SPTBN4: variants seen among roughly 807,000 people sequenced by gnomAD.
SPTBN4 encodes the protein spectrin beta chain, non-erythrocytic 4.
SPTBN4 carries 96 observed loss-of-function variants against 277.8 expected under a neutral mutation model. The ratio of observed to expected loss-of-function variants is 0.35; its 90% CI spans 0.29 to 0.41. SPTBN4 has a LOEUF of 0.41. Ranked by LOEUF, SPTBN4 falls within the 10% of genes least tolerant of loss-of-function variation. The probability of loss-of-function intolerance (pLI) is 1.00; values close to 1 mark genes in which losing one functional copy is unlikely to be tolerated. For synonymous variants in SPTBN4, 1,481 were observed against 1,580.3 expected, an observed-to-expected ratio of 0.94 and a Z score of 1.49; for missense variants, 3,006 against 3,595.7, an observed-to-expected ratio of 0.84 and a Z score of 4.19.
chr19:40,530,640 G>C, intron 18 of SPTBN4: 1 of 932,502 alleles, frequency 1.1e-6, no homozygotes, highest in Non-Finnish European at 1.3e-6. Flanking sequence ...CGCGGACGCA[G>C]ACAGGGGAGG....
chr19:40,492,583 C>G lies in SPTBN4; in HGVS notation c.496-380C>G, dbSNP rs79332947. ...GGGTGTTGAAAAGAGGAGCAAGGATCTGATTTGAGTGTTCGCAGGGTCCCT... is the reference window on the plus strand; with the variant it reads ...GGGTGTTGAAAAGAGGAGCAAGGATGTGATTTGAGTGTTCGCAGGGTCCCT... On this transcript the variant is annotated intron_variant, in intron 4 of 35. Coordinates refer to ENST00000598249, the MANE Select transcript of SPTBN4 (RefSeq NM_020971.3). Among the ~76,000 whole-genome samples, 1,002 of 152,200 alleles carry G rather than the reference C, an allele frequency of 6.6e-3. 19 individuals carry two copies. The highest frequency in any genetic ancestry group is 0.022 in the African/African-American group (912 of 41,516).
intron 7 of SPTBN4, among the ~76,000 whole-genome samples, chr19:40,498,227 C>T (rs1380710229): frequency 6.6e-6 from 1 of 152,162 alleles, no homozygotes; most frequent in Admixed American, 6.6e-5. Flanking sequence ...GCCCTGACAC[C>T]CATCTCCCAT....
intron 18 of SPTBN4, chr19:40,530,810 C>G (rs2080659881): frequency 1.3e-5 from 2 of 153,656 alleles, no homozygotes; most frequent in East Asian, 3.9e-4. Flanking sequence ...GGGCCGGCCC[C>G]CAAGGGAGGG....
chr19:40,513,420 G>C lies in SPTBN4; in HGVS notation c.2631G>C (p.Leu877=). 6.2e-7 allele frequency: 1 copy of C among 1,604,002 alleles called. No individual in the cohort carries two copies. Among genetic ancestry groups the C allele is most frequent in the Non-Finnish European group, 8.5e-7 (1 of 1,177,608 alleles). ...TGGCGGCGCTGAGGCGCCAGTGGCTGCGGGACGCGCTCGCTGTCTACCGCA... is the reference window on the plus strand; with the variant it reads ...TGGCGGCGCTGAGGCGCCAGTGGCTCCGGGACGCGCTCGCTGTCTACCGCA... ...TEVAALRRQW[L]RDALAVYRMF... is the part of the protein sequence containing the mutation. The change falls in exon 14 of 36, where the codon CTG becomes CTC. Residue 877 remains leucine, a synonymous_variant. Transcript: ENST00000598249.
chr19:40,544,403 A>C (rs1166504522), intron 20 of SPTBN4, among the ~76,000 whole-genome samples: 1 of 145,326 alleles, frequency 6.9e-6, no homozygotes, highest in Non-Finnish European at 1.5e-5. Flanking sequence ...CAGCCTTCCA[A>C]AGTGCTGGGA....
chr19:40,518,449 A>G (rs2080484903), intron 15 of SPTBN4, among the ~76,000 whole-genome samples: 1 of 152,052 alleles, frequency 6.6e-6, no homozygotes, highest in Admixed American at 6.6e-5. Flanking sequence ...ATTTATTTTG[A>G]GACAGGGTCT....
At chr19:40,550,464 T>C in intron 22 of SPTBN4, 137 bp downstream of exon 22, 1 of 703,196 alleles carries the variant, frequency 1.4e-6, no homozygotes, top group Non-Finnish European at 2.3e-6. Flanking sequence ...GATACAGATG[T>C]ATCCAGGTGC....
intron 7 of SPTBN4, among the ~76,000 whole-genome samples, chr19:40,498,626 C>G (rs563331231): frequency 5.3e-5 from 8 of 151,758 alleles, no homozygotes; most frequent in Admixed American, 5.3e-4. Context: ...AGGATGGTCT[C>G]GATCTCCTGA....
Position 40,554,914 on chromosome 19 carries a change from T to G in SPTBN4, c.5084+268T>G. 2.3e-6 allele frequency: 1 copy of G among 433,788 alleles called. No individual in the cohort carries two copies. Among genetic ancestry groups the G allele is most frequent in the East Asian group, 4.8e-5 (1 of 20,694 alleles). The allele number at this position is 433,788 out of a possible 1,614,324, so 26.9% of individuals were successfully genotyped here. A position where few individuals can be genotyped will look rare whatever the true frequency, so the allele number is the denominator to read the frequency against. On this transcript the variant is annotated intron_variant, in intron 24 of 35. Coordinates refer to ENST00000598249, the MANE Select transcript of SPTBN4 (RefSeq NM_020971.3). This position sits in a 1 kb window ranked among gnomAD's most constrained non-coding sequence, Gnocchi z 5.7. Reference sequence around the variant, plus strand: ...GAAAAGAGTAGGCGATGTCTAGGACTGGGGTAGAGAAGAATTTACTCAGGA... The same window carrying G: ...GAAAAGAGTAGGCGATGTCTAGGACGGGGGTAGAGAAGAATTTACTCAGGA...
rs1227501523 is a variant in SPTBN4, at chr19:40,513,038, G to A, written c.2249G>A (p.Ser750Asn). The change falls in exon 14 of 36, where the codon AGC becomes AAC. Residue 750 changes from serine (S) to asparagine (N), a missense_variant. By Grantham distance (46) the Ser-to-Asn change is conservative (BLOSUM62 1). Coordinates refer to ENST00000598249, the MANE Select transcript of SPTBN4 (RefSeq NM_020971.3). ...GTAGGCCTGGCGGAGCGCGCGGCGA[G>A]CGCCCGGCGCCGCTGGCAGAGGCTG... Reference protein sequence around the residue: ...HLVGLAERAASARRRWQRLEE... With the variant: ...HLVGLAERAANARRRWQRLEE... 11 of 1,420,142 alleles carry A rather than the reference G, an allele frequency of 7.7e-6. No homozygotes were observed. The highest frequency in any genetic ancestry group is 1.0e-5 in the Non-Finnish European group (11 of 1,094,236). 88.0% of individuals were successfully genotyped at this position (1,420,142 alleles called of 1,614,324 possible). A position where few individuals can be genotyped will look rare whatever the true frequency, so the allele number is the denominator to read the frequency against.
At chr19:40,530,175 A>T (rs1599770326) in intron 18 of SPTBN4, among the ~76,000 whole-genome samples, 1 of 152,068 alleles carries the variant, frequency 6.6e-6, no homozygotes, top group South Asian at 2.1e-4. Context: ...GAGATGGTTC[A>T]GGAGGCCCCC....
chr19:40,560,512 T>G lies in SPTBN4; in HGVS notation c.5915+109T>G. The G allele has an allele frequency of 6.3e-7, 1 of 1,585,550 alleles. No individual in the cohort carries two copies. On this transcript the variant is annotated intron_variant, in intron 27 of 35. Transcript: ENST00000598249. The surrounding 1 kb of genome is among the most constrained non-coding windows in gnomAD (Gnocchi z 5.2). The stretch of plus-strand genomic sequence containing the variant: ...CAATGGAATGACAACAGCCAATATC[T>G]GTGTGGCGCCTCTGTGTGCTAGGCA...
At chr19:40,483,775 A>G (rs2080038337) in intron 2 of SPTBN4, among the ~76,000 whole-genome samples, 1 of 152,120 alleles carries the variant, frequency 6.6e-6, no homozygotes, top group South Asian at 2.1e-4. Flanking sequence ...CCAAAGTGGA[A>G]TTTTAGTGCA....
In SPTBN4 at chr19:40,515,506, C is replaced by A. The variant is rs1052090535; in HGVS notation, c.2903+58C>A. 5.4e-6 allele frequency: 8 copies of A among 1,470,490 alleles called. No individual in the cohort carries two copies. Among genetic ancestry groups the A allele is most frequent in the Admixed American group, 5.2e-5 (2 of 38,704 alleles). The allele number at this position is 1,470,490 out of a possible 1,614,324, so 91.1% of individuals were successfully genotyped here. On this transcript the variant is annotated intron_variant, in intron 15 of 35. Coordinates refer to ENST00000598249, the MANE Select transcript of SPTBN4 (RefSeq NM_020971.3). The surrounding 1 kb of genome is among the most constrained non-coding windows in gnomAD (Gnocchi z 4.1). The stretch of plus-strand genomic sequence containing the variant: ...TCCTTCCCTTCCACACTCACACAGC[C>A]ATGGACAGCAAGATGTGCAATCTCA...
rs757670994 is a variant in SPTBN4 at position 40,515,268 on chromosome 19, G to C, written c.2766-43G>C. 1.3e-5 allele frequency: 21 copies of C among 1,600,686 alleles called. No individual in the cohort carries two copies. The highest frequency in any genetic ancestry group is 2.7e-5 in the African/African-American group (2 of 74,680). Reference sequence around the variant, plus strand: ...GTAGAAGGTATTTCATAAAACCAAGGTCCGCAGGGTTCGGGTGTCTGAGCA... The same window carrying C: ...GTAGAAGGTATTTCATAAAACCAAGCTCCGCAGGGTTCGGGTGTCTGAGCA... On this transcript the variant is annotated intron_variant, in intron 14 of 35. Transcript: ENST00000598249. This position sits in a 1 kb window ranked among gnomAD's most constrained non-coding sequence, Gnocchi z 4.1.
chr19:40,490,901 G>C lies in SPTBN4; in HGVS notation c.495+653G>C, dbSNP rs901002017. ...TAAATAAATTTAAAAAATTAGCCAG[G>C]CATGGTGGTGCATGCCTGTGGTCCC... On this transcript the variant is annotated intron_variant, in intron 4 of 35. Coordinates refer to ENST00000598249, the MANE Select transcript of SPTBN4 (RefSeq NM_020971.3). This position sits in a 1 kb window ranked among gnomAD's most constrained non-coding sequence, Gnocchi z 4.3. Among the ~76,000 whole-genome samples the C allele has an allele frequency of 6.6e-5, 10 of 152,014 alleles. No homozygotes were observed. Among genetic ancestry groups the C allele is most frequent in the African/African-American group, 2.4e-4 (10 of 41,398 alleles).
At chr19:40,551,469 G>A (rs551709353) in intron 22 of SPTBN4, among the ~76,000 whole-genome samples, 1 of 152,076 alleles carries the variant, frequency 6.6e-6, no homozygotes, top group Non-Finnish European at 1.5e-5. Context: ...AAAGGACAGA[G>A]ATAATCAGCA....
chr19:40,560,752 A>C lies in SPTBN4; in HGVS notation c.5915+349A>C. On this transcript the variant is annotated intron_variant, in intron 27 of 35. Coordinates refer to ENST00000598249, the MANE Select transcript of SPTBN4 (RefSeq NM_020971.3). This position sits in a 1 kb window ranked among gnomAD's most constrained non-coding sequence, Gnocchi z 5.2. ...GTGGGTGAAGAATTCTAACAATTCC[A>C]GCATCTCAGTGGCTTCATTAGTGGG... is the stretch of plus-strand genomic sequence containing the variant. 7.6e-7 allele frequency: 1 copy of C among 1,324,122 alleles called. No individual in the cohort carries two copies. Among genetic ancestry groups the C allele is most frequent in the Non-Finnish European group, 9.7e-7 (1 of 1,035,600 alleles). 82.0% of individuals were successfully genotyped at this position (1,324,122 alleles called of 1,614,324 possible). A position where few individuals can be genotyped will look rare whatever the true frequency, so the allele number is the denominator to read the frequency against.
At chr19:40,552,957 G>A (rs1195461964) in intron 22 of SPTBN4, among the ~76,000 whole-genome samples, 1 of 152,168 alleles carries the variant, frequency 6.6e-6, no homozygotes, top group Non-Finnish European at 1.5e-5. Flanking sequence ...GTGCTCCATA[G>A]TTTATCACCT....
Sources: gnomAD v4.1 joint callset for allele counts (sites outside exome capture counted in the v4.1 genomes callset) on GRCh38, gnomAD v4.1.1 for gene constraint, Gnocchi (gnomAD v3.1) non-coding constraint, MANE v1.5 for transcripts, NCBI Gene and HGNC (gene_info 2026-07-23, HGNC 2026-07-21) for gene names.